MGAT4C: variants seen among roughly 807,000 people sequenced by gnomAD.
The protein encoded by MGAT4C is alpha-1,3-mannosyl-glycoprotein 4-beta-N-acetylglucosaminyltransferase C.
A neutral mutation model predicts 40.1 loss-of-function variants in MGAT4C; 19 were observed. That is an observed-to-expected ratio of 0.47 (90% CI 0.33 to 0.70). The LOEUF is 0.70. Ranked by LOEUF, MGAT4C falls within the 30% of genes least tolerant of loss-of-function variation. The pLI is 0.02. For missense variants in MGAT4C, 491 were observed against 563.2 expected (o/e 0.87, Z 1.30); for synonymous variants, 181 against 187.1 (o/e 0.97, Z 0.27).
At chr12:86,120,536 C>G (rs530478294) in intron 1 of MGAT4C, among the ~76,000 whole-genome samples, 3 of 152,144 alleles carry the variant, frequency 2.0e-5, no homozygotes, top group Non-Finnish European at 4.4e-5. Flanking sequence ...CCCTCTGAGA[C>G]GAAGCTTCCA....
chr12:86,010,723 G>A (rs1174078602), intron 2 of MGAT4C, among the ~76,000 whole-genome samples: 1 of 152,016 alleles, frequency 6.6e-6, no homozygotes. Context: ...CAAAACCCAT[G>A]TTGAAAGATA....
chr12:86,796,155 TC>T (rs1952113918), intron 1 of MGAT4C, among the ~76,000 whole-genome samples: 1 of 151,776 alleles, frequency 6.6e-6, no homozygotes, highest in African/African-American at 2.4e-5. Flanking sequence ...TTTTTTTTTT[TC>T]ATGTCTGCTG....
intron 4 of MGAT4C, among the ~76,000 whole-genome samples, chr12:86,294,384 C>A (rs998663412): frequency 2.6e-5 from 4 of 151,644 alleles, no homozygotes; most frequent in African/African-American, 9.7e-5. Flanking sequence ...TAATCTAAAT[C>A]CTTGCTTTTA....
rs560053114 is a variant in MGAT4C, at chr12:86,689,499, T to C, written c.-229+37710A>G. ...GTGATCTTTGGATGGGGTTTTTGCATGGGCGTCCTTTTTGTTGATGTTGAT... is the reference window on the plus strand; with the variant it reads ...GTGATCTTTGGATGGGGTTTTTGCACGGGCGTCCTTTTTGTTGATGTTGAT... On this transcript the variant is annotated intron_variant, in intron 2 of 7. Coordinates refer to the MGAT4C transcript ENST00000548651. 3.3e-5 allele frequency among the ~76,000 whole-genome samples: 5 copies of C among 152,362 alleles called. No homozygotes were observed. The East Asian group carries it at 9.6e-4, about 29-fold the overall frequency.
intron 1 of MGAT4C, among the ~76,000 whole-genome samples, chr12:86,072,924 A>G (rs1868852602): frequency 6.6e-6 from 1 of 152,158 alleles, no homozygotes; most frequent in South Asian, 2.1e-4. Context: ...CATTAACAGT[A>G]TTGTGATTTT....
At chr12:86,637,250 A>G (rs1963247469) in intron 2 of MGAT4C, among the ~76,000 whole-genome samples, 2 of 152,014 alleles carry the variant, frequency 1.3e-5, no homozygotes, top group South Asian at 4.1e-4. Flanking sequence ...GTTCATGGTA[A>G]TAAGCAGTTA....
chr12:86,674,805 T>G (rs778684594), intron 2 of MGAT4C, among the ~76,000 whole-genome samples: 7 of 152,194 alleles, frequency 4.6e-5, no homozygotes, highest in Non-Finnish European at 8.8e-5. Context: ...AACAAGTAAT[T>G]AAGACTAGTA....
rs115148938 is a variant in MGAT4C, at chr12:86,418,103, T to G, written c.-120+17054A>C. Among the ~76,000 whole-genome samples, 549 of 152,224 alleles carry G rather than the reference T, an allele frequency of 3.6e-3. 2 individuals carry two copies. The highest frequency in any genetic ancestry group is 0.013 in the African/African-American group (531 of 41,562). Reference sequence around the variant, plus strand: ...AGAATGTACATTCTTTGCACAAACTTTTTTTAGCTATTGAAAAATAAAAGC... The same window carrying G: ...AGAATGTACATTCTTTGCACAAACTGTTTTTAGCTATTGAAAAATAAAAGC... On this transcript the variant is annotated intron_variant, in intron 3 of 7. Transcript: ENST00000548651.
intron 1 of MGAT4C, among the ~76,000 whole-genome samples, chr12:86,086,419 G>A (rs1400431156): frequency 6.6e-6 from 1 of 151,976 alleles, no homozygotes; most frequent in Non-Finnish European, 1.5e-5. Context: ...ATAGCATTAG[G>A]AGAAATACCT....
upstream of MGAT4C, among the ~76,000 whole-genome samples, chr12:86,258,130 T>A (rs1355897514): frequency 1.3e-5 from 2 of 152,218 alleles, no homozygotes; most frequent in African/African-American, 4.8e-5. Flanking sequence ...ATGATATAAA[T>A]ATGTTAAACC....
At chr12:86,187,896 G>A (rs907997867) in intron 1 of MGAT4C, among the ~76,000 whole-genome samples, 5 of 151,968 alleles carry the variant, frequency 3.3e-5, no homozygotes, top group Admixed American at 1.3e-4. Flanking sequence ...CTTGAATTAG[G>A]AGGAAATTCT....
intron 1 of MGAT4C, among the ~76,000 whole-genome samples, chr12:86,208,810 T>C (rs2135953228): frequency 6.6e-6 from 1 of 152,274 alleles, no homozygotes; most frequent in South Asian, 2.1e-4. Flanking sequence ...TCTAACAGTG[T>C]ATATAATGTT....
At chr12:86,377,442 G>A (rs1470998913) in intron 3 of MGAT4C, among the ~76,000 whole-genome samples, 1 of 152,124 alleles carries the variant, frequency 6.6e-6, no homozygotes, top group Non-Finnish European at 1.5e-5. Context: ...GTGATAGCAA[G>A]TAGTCTTTAA....
intron 1 of MGAT4C, among the ~76,000 whole-genome samples, chr12:86,214,402 A>G (rs1236256882): frequency 6.6e-6 from 1 of 152,174 alleles, no homozygotes; most frequent in Non-Finnish European, 1.5e-5. Flanking sequence ...TAGACTATAA[A>G]TACCTCTTGA....
chr12:86,655,873 C>T (rs1963835934), intron 2 of MGAT4C, among the ~76,000 whole-genome samples: 1 of 151,990 alleles, frequency 6.6e-6, no homozygotes, highest in Non-Finnish European at 1.5e-5. Flanking sequence ...CAGAGAATGG[C>T]AGAAAAGCTC....
intron 2 of MGAT4C, among the ~76,000 whole-genome samples, chr12:86,621,035 C>T (rs1962618556): frequency 6.6e-6 from 1 of 152,000 alleles, no homozygotes; most frequent in South Asian, 2.1e-4. Flanking sequence ...GTCTTCATAT[C>T]AACGTGAGAA....
At chr12:86,450,714 T>C (rs1238578905) in intron 2 of MGAT4C, among the ~76,000 whole-genome samples, 1 of 152,016 alleles carries the variant, frequency 6.6e-6, no homozygotes, top group African/African-American at 2.4e-5. Context: ...TCTTTTTCTA[T>C]TTTTCCTTCC....
rs1452384158 is a variant in MGAT4C, at chr12:85,970,645, TTAGTGATTAGA to T, written c.*8633_*8643del. 6.6e-6 allele frequency: 1 copy of T among 151,298 alleles called. No homozygotes were observed. The highest frequency in any genetic ancestry group is 1.5e-5 in the Non-Finnish European group (1 of 67,380). The allele number at this position is 151,298 out of a possible 1,614,324, so 9.4% of individuals were successfully genotyped here. The stretch of plus-strand genomic sequence containing the variant: ...AAATTTAGTAAAGTACTAATTGAAT[TTAGTGATTAGA>T]CTGTGATTAGACTATTACAAATTCA... On this transcript the variant is annotated 3_prime_UTR_variant, in exon 5 of 5. Transcript: ENST00000611864.
chr12:86,230,021 C>G (rs1951251837), intron 1 of MGAT4C, among the ~76,000 whole-genome samples: 1 of 151,992 alleles, frequency 6.6e-6, no homozygotes, highest in African/African-American at 2.4e-5. Flanking sequence ...TAATCAGAAT[C>G]TGAAATACTG....
Sources: allele counts gnomAD v4.1 joint callset (sites outside exome capture counted in the v4.1 genomes callset), GRCh38; gene constraint gnomAD v4.1.1; transcripts MANE v1.5; gene names NCBI Gene and HGNC (gene_info 2026-07-23, HGNC 2026-07-21).